Variants in PCDHA13 observed in about 807,000 individuals in gnomAD.
The protein encoded by PCDHA13 is protocadherin alpha-13.
PCDHA13 carries 54 observed loss-of-function variants against 64.8 expected under a neutral mutation model. The ratio of observed to expected loss-of-function variants is 0.83; its 90% CI spans 0.67 to 1.04. The LOEUF (loss-of-function observed/expected upper bound fraction) is 1.04, where lower values mean the gene tolerates loss of function less well. PCDHA13 is among the 50% of genes least tolerant of loss of function. The pLI, the probability that PCDHA13 is intolerant of heterozygous loss-of-function variation, is 0.00. For missense variants in PCDHA13, 1,248 were observed against 1,254.3 expected (o/e 0.99, Z 0.08); for synonymous variants, 587 against 564.4 (o/e 1.04, Z -0.57).
intron 1 of PCDHA13, among the ~76,000 whole-genome samples, chr5:140,922,964 GTGGCA>G (rs1293947003): frequency 6.6e-6 from 1 of 152,186 alleles, no homozygotes; most frequent in East Asian, 1.9e-4. Context: ...TCTTCAGCCA[GTGGCA>G]TATCTCAGAC....
intron 1 of PCDHA13, among the ~76,000 whole-genome samples, chr5:140,921,683 C>T (rs1554200360): frequency 6.6e-6 from 1 of 152,154 alleles, no homozygotes; most frequent in East Asian, 1.9e-4. Flanking sequence ...TCATCAAACA[C>T]TGGCCACCTC....
chr5:140,891,893 CAAG>C (rs2063302978), intron 1 of PCDHA13, among the ~76,000 whole-genome samples: 1 of 152,210 alleles, frequency 6.6e-6, no homozygotes, highest in Non-Finnish European at 1.5e-5. Flanking sequence ...GACGATGCAG[CAAG>C]AAGATCTTCA....
chr5:140,937,413 TTAGA>T (rs781915768), intron 1 of PCDHA13, among the ~76,000 whole-genome samples: 3 of 152,228 alleles, frequency 2.0e-5, no homozygotes, highest in Non-Finnish European at 2.9e-5. Flanking sequence ...ACAACTTTTA[TTAGA>T]TAGCTGATAT....
chr5:140,957,328 G>A (rs1312649094), intron 1 of PCDHA13, among the ~76,000 whole-genome samples: 1 of 152,134 alleles, frequency 6.6e-6, no homozygotes, highest in Admixed American at 6.5e-5. Context: ...GCACAGTACA[G>A]TAAGATATTT....
At chr5:140,957,080 A>G (rs2095331610) in intron 1 of PCDHA13, among the ~76,000 whole-genome samples, 1 of 152,174 alleles carries the variant, frequency 6.6e-6, no homozygotes. Flanking sequence ...CTTTTTATTA[A>G]GGAAAATGAA....
intron 1 of PCDHA13, chr5:140,966,850 C>A: frequency 6.4e-7 from 1 of 1,572,900 alleles, no homozygotes; most frequent in Non-Finnish European, 8.6e-7. Flanking sequence ...TACTGCCTCT[C>A]CTGCTGCTGT....
chr5:140,989,253 G>C (rs886150768), intron 3 of PCDHA13, among the ~76,000 whole-genome samples: 1 of 152,194 alleles, frequency 6.6e-6, no homozygotes, highest in Non-Finnish European at 1.5e-5. Flanking sequence ...CTTGTCAAAA[G>C]GGAGATTCAA....
chr5:140,964,939 T>C (rs1230992301), intron 1 of PCDHA13, among the ~76,000 whole-genome samples: 1 of 152,182 alleles, frequency 6.6e-6, no homozygotes, highest in Non-Finnish European at 1.5e-5. Flanking sequence ...GGAGCATTGA[T>C]AGTGAGTGTG....
chr5:140,985,643 A>C (rs564908892), intron 3 of PCDHA13, among the ~76,000 whole-genome samples: 10 of 151,298 alleles, frequency 6.6e-5, no homozygotes, highest in African/African-American at 1.9e-4. Context: ...TCATCCCAAC[A>C]CTTGCAATGG....
chr5:140,917,058 C>T (rs1028478613), intron 1 of PCDHA13, among the ~76,000 whole-genome samples: 4 of 152,072 alleles, frequency 2.6e-5, no homozygotes, highest in Non-Finnish European at 5.9e-5. Context: ...TTCCCTGCTA[C>T]GACAGCACCG....
intron 3 of PCDHA13, among the ~76,000 whole-genome samples, chr5:140,999,423 C>G (rs1159862736): frequency 6.6e-6 from 1 of 152,100 alleles, no homozygotes; most frequent in Non-Finnish European, 1.5e-5. Context: ...AGCTAAGAGG[C>G]CAAGTACCTT....
intron 1 of PCDHA13, among the ~76,000 whole-genome samples, chr5:140,952,331 T>G (rs1302386893): frequency 1.8e-5 from 2 of 112,488 alleles, no homozygotes; most frequent in African/African-American, 7.8e-5. Context: ...AGAGTGAAAC[T>G]CCATCTCAAA....
intron 1 of PCDHA13, among the ~76,000 whole-genome samples, chr5:140,925,132 T>G (rs2082347636): frequency 6.6e-6 from 1 of 151,168 alleles, no homozygotes; most frequent in Non-Finnish European, 1.5e-5. Context: ...GAAAAAAAAT[T>G]TCAAACATAC....
At chr5:140,908,013 G>A (rs2073743163) in intron 1 of PCDHA13, among the ~76,000 whole-genome samples, 1 of 152,070 alleles carries the variant, frequency 6.6e-6, no homozygotes, top group Non-Finnish European at 1.5e-5. Context: ...CAAACCACTG[G>A]CTACAGCCCA....
intron 1 of PCDHA13, among the ~76,000 whole-genome samples, chr5:140,925,561 G>A (rs972926230): frequency 6.6e-6 from 1 of 151,674 alleles, no homozygotes; most frequent in African/African-American, 2.4e-5. Flanking sequence ...ACAAGTTAAT[G>A]GGTGCAGCAC....
At chr5:140,954,427 C>T (rs545024696) in intron 1 of PCDHA13, among the ~76,000 whole-genome samples, 1 of 152,200 alleles carries the variant, frequency 6.6e-6, no homozygotes, top group Admixed American at 6.5e-5. Context: ...CCTTTTTCTC[C>T]ATCTGTTGTT....
At chr5:140,918,928 C>A (rs2078929450) in intron 1 of PCDHA13, among the ~76,000 whole-genome samples, 1 of 152,172 alleles carries the variant, frequency 6.6e-6, no homozygotes, top group South Asian at 2.1e-4. Context: ...CAGCATATGG[C>A]ATTTTGTTAT....
intron 2 of PCDHA13, among the ~76,000 whole-genome samples, chr5:140,981,053 A>T (rs1422870263): frequency 6.6e-6 from 1 of 152,206 alleles, no homozygotes; most frequent in Non-Finnish European, 1.5e-5. Flanking sequence ...AGATAATTCT[A>T]GAGTGTAGAC....
intron 1 of PCDHA13, among the ~76,000 whole-genome samples, chr5:140,956,898 T>G (rs1554222699): frequency 6.6e-6 from 1 of 152,218 alleles, no homozygotes; most frequent in Admixed American, 6.6e-5. Flanking sequence ...ATGAATATTC[T>G]TAAATGTATA....
Sources: gnomAD v4.1 joint callset for allele counts (sites outside exome capture counted in the v4.1 genomes callset) on GRCh38, gnomAD v4.1.1 for gene constraint, MANE v1.5 for transcripts, NCBI Gene and HGNC (gene_info 2026-07-23, HGNC 2026-07-21) for gene names.